BLTP1: variants seen among roughly 807,000 people sequenced by gnomAD.
The protein encoded by BLTP1 is bridge-like lipid transfer protein family member 1.
chr4:122,204,425 A>G, the BLTP1 span: 1 of 816,394 alleles, frequency 1.2e-6, no homozygotes. Flanking sequence ...ACTCTAAAAT[A>G]GGGTAGCTGT....
chr4:122,160,762 C>T, the BLTP1 span, among the ~76,000 whole-genome samples: 6 of 152,158 alleles, frequency 3.9e-5, no homozygotes, highest in Non-Finnish European at 7.4e-5. Context: ...CAAAGATAAA[C>T]AATCTGTTCA....
the BLTP1 span, chr4:122,279,957 A>G: frequency 2.5e-6 from 4 of 1,614,090 alleles, no homozygotes; most frequent in Non-Finnish European, 3.4e-6. Flanking sequence ...CAAATCTCAG[A>G]CCTAATCAGA....
At chr4:122,334,310 T>G in the BLTP1 span, 8 of 1,451,114 alleles carry the variant, frequency 5.5e-6, no homozygotes, top group Non-Finnish European at 7.7e-6. Flanking sequence ...ATCTTCATAA[T>G]TTTAATTTTA....
At chr4:122,156,560 G>C in the BLTP1 span, among the ~76,000 whole-genome samples, 6 of 152,214 alleles carry the variant, frequency 3.9e-5, no homozygotes, top group Non-Finnish European at 8.8e-5. Flanking sequence ...AGTTTTATAA[G>C]TGAAGCTAAT....
chr4:122,170,054 C>G, the BLTP1 span: 2 of 939,536 alleles, frequency 2.1e-6, no homozygotes, highest in African/African-American at 1.8e-5. Context: ...CGCATGTAAT[C>G]CCAGCACTTT....
At chr4:122,166,041 G>T in the BLTP1 span, among the ~76,000 whole-genome samples, 1 of 152,026 alleles carries the variant, frequency 6.6e-6, no homozygotes, top group Non-Finnish European at 1.5e-5. Context: ...CACTCTAATG[G>T]TAGTTTCTTT....
chr4:122,227,297 A>G, the BLTP1 span: 1 of 986,946 alleles, frequency 1.0e-6, no homozygotes, highest in Non-Finnish European at 1.2e-6. Flanking sequence ...CTCTTTTCAC[A>G]ACATTGTGCC....
chr4:122,169,617 CTTA>C, the BLTP1 span: 5 of 959,078 alleles, frequency 5.2e-6, no homozygotes, highest in Non-Finnish European at 6.2e-6. Context: ...TTCCTTTTTT[CTTA>C]TTGTTGGTAC....
At chr4:122,225,543 G>A in the BLTP1 span, 1 of 152,032 alleles carries the variant, frequency 6.6e-6, no homozygotes, top group Admixed American at 6.6e-5. Flanking sequence ...CAACAAGAAA[G>A]TAATAAAGAA....
the BLTP1 span, chr4:122,229,846 A>G: frequency 6.9e-7 from 1 of 1,454,220 alleles, no homozygotes; most frequent in African/African-American, 1.4e-5. Flanking sequence ...TCTATTTGAA[A>G]TGATCACCTA....
At chr4:122,218,534 C>A in the BLTP1 span, among the ~76,000 whole-genome samples, 1 of 152,114 alleles carries the variant, frequency 6.6e-6, no homozygotes, top group African/African-American at 2.4e-5. Context: ...TAACTCTAGT[C>A]AGAAGATAAT....
At chr4:122,349,454 T>C in the BLTP1 span, 1 of 1,579,682 alleles carries the variant, frequency 6.3e-7, no homozygotes, top group South Asian at 1.2e-5. This position sits in a 1 kb window ranked among gnomAD's most constrained non-coding sequence, Gnocchi z 4.5. Flanking sequence ...TTTTAGCTCA[T>C]ATTTCTGAAC....
the BLTP1 span, chr4:122,239,785 C>T: frequency 1.9e-6 from 3 of 1,614,144 alleles, no homozygotes; most frequent in African/African-American, 1.3e-5. Context: ...TTCCCATATA[C>T]ACCATCAGCA....
At chr4:122,175,218 T>C in the BLTP1 span, 5 of 984,668 alleles carry the variant, frequency 5.1e-6, no homozygotes, top group Non-Finnish European at 6.0e-6. Context: ...TGAGAGGTGC[T>C]AGAGTTTGGC....
the BLTP1 span, chr4:122,263,370 A>G: frequency 6.9e-7 from 1 of 1,449,892 alleles, no homozygotes; most frequent in Non-Finnish European, 9.1e-7. Context: ...CTTCAAATAT[A>G]GGTATATAAA....
At chr4:122,203,573 G>C in the BLTP1 span, among the ~76,000 whole-genome samples, 790 of 151,914 alleles carry the variant, frequency 5.2e-3, 11 homozygotes, top group African/African-American at 0.017. Flanking sequence ...TCAGGAAAGT[G>C]CTTCCTTTTT....
chr4:122,219,667 T>G, the BLTP1 span: 105 of 768,192 alleles, frequency 1.4e-4, no homozygotes, highest in Middle Eastern at 4.8e-4. Flanking sequence ...GAAAATCAGA[T>G]TTAGAAACTT....
the BLTP1 span, chr4:122,328,715 C>G: frequency 1.0e-6 from 1 of 983,212 alleles, no homozygotes; most frequent in Non-Finnish European, 1.2e-6. Context: ...ATAGTGAAGG[C>G]TAGTTAAGAA....
the BLTP1 span, chr4:122,256,721 A>G: frequency 1.3e-5 from 3 of 228,942 alleles, no homozygotes; most frequent in East Asian, 3.6e-4. Context: ...TGTATTTTAA[A>G]CTATATAATT....
Sources: allele counts gnomAD v4.1 joint callset (sites outside exome capture counted in the v4.1 genomes callset), GRCh38; gene constraint gnomAD v4.1.1; non-coding constraint Gnocchi (gnomAD v3.1); transcripts MANE v1.5; gene names NCBI Gene and HGNC (gene_info 2026-07-23, HGNC 2026-07-21).